Variants in SUN3 observed in about 807,000 individuals in gnomAD.
SUN3 encodes the protein SUN domain-containing protein 3.
In SUN3, 36 loss-of-function variants were observed where a neutral mutation model predicts 48.2. The ratio of observed to expected loss-of-function variants is 0.75; its 90% CI spans 0.57 to 0.99. The LOEUF (loss-of-function observed/expected upper bound fraction) is 0.99, where lower values mean the gene tolerates loss of function less well. SUN3 is among the 50% of genes least tolerant of loss of function. SUN3 has a pLI of 0.00. For synonymous variants in SUN3, 148 were observed against 147.9 expected, an observed-to-expected ratio of 1.00 and a Z score of 0.00; for missense variants, 419 against 433.1, an observed-to-expected ratio of 0.97 and a Z score of 0.29.
chr7:48,002,698 T>C (rs1029044123), intron 6 of SUN3, among the ~76,000 whole-genome samples: 4 of 152,202 alleles, frequency 2.6e-5, no homozygotes, highest in Non-Finnish European at 4.4e-5. Context: ...ACTCCATTGA[T>C]AGTTTCTTTT....
At chr7:48,033,095 C>T (rs572577355), upstream of SUN3, among the ~76,000 whole-genome samples, 26 of 151,848 alleles carry the variant, frequency 1.7e-4, no homozygotes, top group Admixed American at 1.3e-3. Flanking sequence ...ATACTGAGGC[C>T]GATTATGTGG....
intron 2 of SUN3, among the ~76,000 whole-genome samples, chr7:48,019,977 C>CAAAAAAAAAAAAAAAAAA (rs869166401): frequency 1.6e-3 from 103 of 64,110 alleles, no homozygotes; most frequent in East Asian, 3.1e-3. Context: ...AAAGACACAT[C>CAAAAAAAAAAAAAAAAAA]AAAAAAAAAA....
chr7:48,007,431 G>T, intron 4 of SUN3, 104 bp from the exon 5 acceptor site: 1 of 1,023,714 alleles, frequency 9.8e-7, no homozygotes, highest in Non-Finnish European at 1.4e-6. Flanking sequence ...TTATATTGTT[G>T]AAGATATACA....
upstream of SUN3, among the ~76,000 whole-genome samples, chr7:48,029,500 CTAAA>C (rs2128786168): frequency 6.6e-6 from 1 of 152,230 alleles, no homozygotes; most frequent in East Asian, 1.9e-4. Flanking sequence ...AAAACATAAA[CTAAA>C]TGTTATGCCA....
chr7:47,987,184 C>A lies in SUN3; in HGVS notation c.*146G>T. On this transcript the variant is annotated 3_prime_UTR_variant, in exon 10 of 10. Coordinates refer to ENST00000297325, the MANE Select transcript of SUN3 (RefSeq NM_001030019.2). ...TCCATATTTTTTTATTAGTAAAATG[C>A]ATTTACTTTTTACAGGCAAGTATGA... 1 of 673,600 alleles carries A rather than the reference C, an allele frequency of 1.5e-6. No individual in the cohort carries two copies. Among genetic ancestry groups the A allele is most frequent in the East Asian group, 3.1e-5 (1 of 32,560 alleles). The allele number at this position is 673,600 out of a possible 1,614,324, so 41.7% of individuals were successfully genotyped here.
At chr7:48,015,920 C>T (rs986340225) in intron 3 of SUN3, among the ~76,000 whole-genome samples, 6 of 152,170 alleles carry the variant, frequency 3.9e-5, no homozygotes, top group African/African-American at 1.4e-4. Flanking sequence ...AAAAGACCCC[C>T]TTCTTGCTTG....
chr7:48,017,992 T>A (rs983145651), intron 2 of SUN3, among the ~76,000 whole-genome samples: 8 of 152,156 alleles, frequency 5.3e-5, no homozygotes, highest in Admixed American at 5.2e-4. Flanking sequence ...AGTCTCTTTC[T>A]GGAAAAAGGG....
intron 7 of SUN3, among the ~76,000 whole-genome samples, chr7:47,995,698 T>C (rs1789191572): frequency 6.6e-6 from 1 of 152,230 alleles, no homozygotes; most frequent in South Asian, 2.1e-4. Flanking sequence ...AAATGTTTGT[T>C]GAATGACTGA....
chr7:47,996,578 T>C (rs575559765), intron 6 of SUN3, among the ~76,000 whole-genome samples: 1 of 152,318 alleles, frequency 6.6e-6, no homozygotes, highest in South Asian at 2.1e-4. Flanking sequence ...TTTGTAGCAA[T>C]TATGCAGATT....
intron 8 of SUN3, among the ~76,000 whole-genome samples, chr7:47,989,205 C>T (rs1583737053): frequency 6.6e-6 from 1 of 152,190 alleles, no homozygotes; most frequent in South Asian, 2.1e-4. Context: ...AAGACAGATA[C>T]ATACATATAG....
intron 2 of SUN3, among the ~76,000 whole-genome samples, chr7:48,023,783 T>C (rs1790063992): frequency 1.3e-5 from 2 of 152,168 alleles, no homozygotes; most frequent in South Asian, 4.1e-4. Flanking sequence ...TGTTCATGAA[T>C]TGGAAGATTT....
intron 2 of SUN3, among the ~76,000 whole-genome samples, chr7:48,018,300 T>G (rs1253690921): frequency 6.6e-6 from 1 of 152,046 alleles, no homozygotes; most frequent in Non-Finnish European, 1.5e-5. Flanking sequence ...TTCAAGGAAA[T>G]ATGTGAGAAA....
chr7:48,006,799 A>T (rs1013609248), intron 5 of SUN3, among the ~76,000 whole-genome samples: 1 of 152,232 alleles, frequency 6.6e-6, no homozygotes, highest in African/African-American at 2.4e-5. Context: ...CCTGAATCTG[A>T]TGCTGTCTAG....
chr7:48,003,938 A>G (rs1379876841), intron 6 of SUN3, among the ~76,000 whole-genome samples: 1 of 152,118 alleles, frequency 6.6e-6, no homozygotes, highest in Non-Finnish European at 1.5e-5. Context: ...GACTTCTAAT[A>G]CTGTGTTGAA....
intron 2 of SUN3, among the ~76,000 whole-genome samples, chr7:48,025,215 T>C (rs753095721): frequency 2.0e-5 from 3 of 152,174 alleles, no homozygotes; most frequent in Non-Finnish European, 4.4e-5. Context: ...AATGAAATAT[T>C]ATTTAGCTAC....
intron 8 of SUN3, among the ~76,000 whole-genome samples, chr7:47,991,196 A>G (rs549139650): frequency 6.6e-6 from 1 of 152,200 alleles, no homozygotes; most frequent in Non-Finnish European, 1.5e-5. Flanking sequence ...GGATCACAGG[A>G]GCAGATACTG....
chr7:48,029,678 T>G (rs1336771165), upstream of SUN3, among the ~76,000 whole-genome samples: 1 of 152,200 alleles, frequency 6.6e-6, no homozygotes, highest in Non-Finnish European at 1.5e-5. Context: ...TAATGCTCAT[T>G]GCACGTTGTT....
intron 1 of SUN3, among the ~76,000 whole-genome samples, chr7:48,027,442 T>C (rs866900879): frequency 2.0e-5 from 3 of 152,210 alleles, no homozygotes; most frequent in East Asian, 1.9e-4. Context: ...TGTTACAAAG[T>C]GGTTGTAATG....
chr7:47,998,249 T>A (rs1210997001), intron 6 of SUN3, among the ~76,000 whole-genome samples: 4 of 152,232 alleles, frequency 2.6e-5, no homozygotes, highest in Non-Finnish European at 5.9e-5. Context: ...GTCGGTTTTG[T>A]TTTGTTTGGC....
Sources: allele counts gnomAD v4.1 joint callset (sites outside exome capture counted in the v4.1 genomes callset), GRCh38; gene constraint gnomAD v4.1.1; transcripts MANE v1.5; gene names NCBI Gene and HGNC (gene_info 2026-07-23, HGNC 2026-07-21).